The following ZNF536 variants were observed in gnomAD, a reference collection of about 807,000 sequenced individuals.
The protein encoded by ZNF536 is zinc finger protein 536.
ZNF536 carries 13 observed loss-of-function variants against 84.5 expected under a neutral mutation model. That is an observed-to-expected ratio of 0.15 (90% CI 0.10 to 0.24). The LOEUF is 0.24. Among genes scored for constraint, ZNF536 ranks in the 10% least tolerant of loss-of-function variants. The probability of loss-of-function intolerance (pLI) is 1.00; values close to 1 mark genes in which losing one functional copy is unlikely to be tolerated. For synonymous variants in ZNF536, 811 were observed against 742.5 expected (o/e 1.09, Z -1.50); for missense variants, 1,536 against 1,747.5 (o/e 0.88, Z 2.16).
At chr19:30,401,822 AG>A (rs925013451) in intron 1 of ZNF536, among the ~76,000 whole-genome samples, 2 of 152,212 alleles carry the variant, frequency 1.3e-5, no homozygotes, top group African/African-American at 4.8e-5. Context: ...TCAAGGGAAA[AG>A]GAAAAAAATA....
intron 2 of ZNF536, among the ~76,000 whole-genome samples, chr19:30,499,035 T>TC (rs201511892): frequency 3.2e-4 from 25 of 78,592 alleles, no homozygotes; most frequent in Admixed American, 8.1e-4. Context: ...TTTTTCTTCT[T>TC]TTTTTTTTTT....
intron 2 of ZNF536, among the ~76,000 whole-genome samples, chr19:30,449,876 G>C (rs149590459): frequency 6.6e-6 from 1 of 152,090 alleles, no homozygotes; most frequent in Non-Finnish European, 1.5e-5. Flanking sequence ...TATCTGGGGC[G>C]CTTTCGCATT....
At chr19:30,501,732 A>C (rs1004046) in intron 2 of ZNF536, among the ~76,000 whole-genome samples, 56,905 of 152,134 alleles carry the variant, frequency 0.37, 12,771 homozygotes, top group African/African-American at 0.64. Context: ...CACAGAGCTC[A>C]TGAGGACCAC....
intron 1 of ZNF536, among the ~76,000 whole-genome samples, chr19:30,229,515 C>T (rs563078203): frequency 6.6e-6 from 1 of 152,292 alleles, no homozygotes; most frequent in Admixed American, 6.5e-5. Context: ...GTTTGCCGGC[C>T]AGCCTGGGAA....
intron 1 of ZNF536, among the ~76,000 whole-genome samples, chr19:30,676,590 GT>G (rs1421524392): frequency 6.6e-6 from 1 of 152,196 alleles, no homozygotes; most frequent in African/African-American, 2.4e-5. Context: ...CATTTTTACA[GT>G]TGATTTAACA....
chr19:30,431,742 C>A (rs1277771691), intron 1 of ZNF536, among the ~76,000 whole-genome samples: 1 of 152,146 alleles, frequency 6.6e-6, no homozygotes, highest in Non-Finnish European at 1.5e-5. Context: ...GCTGCTGCTG[C>A]CCCAGGGAGG....
chr19:30,678,033 G>A (rs1038186350), intron 1 of ZNF536, among the ~76,000 whole-genome samples: 1 of 152,206 alleles, frequency 6.6e-6, no homozygotes, highest in Non-Finnish European at 1.5e-5. Context: ...TCAAAAGCTT[G>A]AGTGTTCGGT....
At chr19:30,560,994 A>G (rs929341081), downstream of ZNF536, among the ~76,000 whole-genome samples, 1 of 152,192 alleles carries the variant, frequency 6.6e-6, no homozygotes, top group Admixed American at 6.5e-5. Flanking sequence ...GCATCCAGAC[A>G]TTGGCTGGCT....
chr19:30,409,437 G>A (rs1235539841), intron 1 of ZNF536, among the ~76,000 whole-genome samples: 1 of 152,048 alleles, frequency 6.6e-6, no homozygotes, highest in African/African-American at 2.4e-5. Context: ...TTCTCCTTCC[G>A]AATCCCTGGC....
At chr19:30,402,796 A>AATATATATATATATATATATAT (rs869301101) in intron 1 of ZNF536, among the ~76,000 whole-genome samples, 2 of 85,596 alleles carry the variant, frequency 2.3e-5, no homozygotes, top group African/African-American at 7.6e-5. Context: ...AAAATTAAAA[A>AATATATATATATATATATATAT]ATATATATAT....
At chr19:30,460,207 C>A (rs2053070393) in intron 2 of ZNF536, among the ~76,000 whole-genome samples, 1 of 152,166 alleles carries the variant, frequency 6.6e-6, no homozygotes, top group Non-Finnish European at 1.5e-5. Flanking sequence ...GGGTGTACCA[C>A]TTGGTTCATG....
At chr19:30,297,548 C>G (rs1297043925) in intron 2 of ZNF536, among the ~76,000 whole-genome samples, 1 of 152,170 alleles carries the variant, frequency 6.6e-6, no homozygotes, top group Admixed American at 6.5e-5. Flanking sequence ...ACAGGTGTCA[C>G]CTATCAAGGG....
intron 2 of ZNF536, among the ~76,000 whole-genome samples, chr19:30,527,459 C>G (rs992284929): frequency 6.6e-6 from 1 of 151,918 alleles, no homozygotes; most frequent in Non-Finnish European, 1.5e-5. Context: ...AGCAAGCTGC[C>G]TGTTGCCTCC....
intron 2 of ZNF536, among the ~76,000 whole-genome samples, chr19:30,505,104 T>C (rs1184848439): frequency 3.3e-5 from 5 of 151,936 alleles, no homozygotes; most frequent in Non-Finnish European, 7.4e-5. Context: ...TTTATATTTA[T>C]ACAAAGTTGA....
intron 1 of ZNF536, among the ~76,000 whole-genome samples, chr19:30,422,066 T>C (rs536018849): frequency 6.6e-6 from 1 of 152,312 alleles, no homozygotes; most frequent in Admixed American, 6.5e-5. Context: ...GGTAGTTTAT[T>C]GCAGTACAAC....
At chr19:30,458,050 A>G (rs12459372) in intron 2 of ZNF536, among the ~76,000 whole-genome samples, 37,841 of 152,098 alleles carry the variant, frequency 0.25, 4,814 homozygotes, top group South Asian at 0.28. Flanking sequence ...AACGTCATAT[A>G]CTTAGATATT....
intron 1 of ZNF536, among the ~76,000 whole-genome samples, chr19:30,437,156 CT>C (rs899735660): frequency 3.7e-4 from 56 of 149,912 alleles, no homozygotes; most frequent in East Asian, 1.2e-3. Flanking sequence ...CATAAGATTA[CT>C]TTTTTTTTTC....
chr19:30,535,460 C>A (rs1224442746), intron 3 of ZNF536, among the ~76,000 whole-genome samples: 1 of 152,164 alleles, frequency 6.6e-6, no homozygotes, highest in African/African-American at 2.4e-5. Context: ...GTGTTACATG[C>A]CCAGACCTGG....
chr19:30,467,664 C>T (rs972342930), intron 2 of ZNF536, among the ~76,000 whole-genome samples: 1 of 152,220 alleles, frequency 6.6e-6, no homozygotes, highest in Non-Finnish European at 1.5e-5. Context: ...GGATTGTATC[C>T]TATGCTACTG....
Sources: allele counts gnomAD v4.1 joint callset (sites outside exome capture counted in the v4.1 genomes callset), GRCh38; gene constraint gnomAD v4.1.1; transcripts MANE v1.5; gene names NCBI Gene and HGNC (gene_info 2026-07-23, HGNC 2026-07-21).